Variants in DIP2C observed in about 807,000 individuals in gnomAD.
The protein encoded by DIP2C is DIP2 acetate--CoA ligase C (putative).
Under a neutral mutation model 192.4 loss-of-function variants are expected in DIP2C, and 33 were observed. The observed-to-expected ratio is 0.17, with a 90% CI of 0.13 to 0.23. DIP2C has a LOEUF of 0.23. Among genes scored for constraint, DIP2C ranks in the 10% least tolerant of loss-of-function variants. DIP2C has a pLI of 1.00. For missense variants in DIP2C, 1,537 were observed against 2,110.1 expected (o/e 0.73, Z 5.32); for synonymous variants, 979 against 864.1 (o/e 1.13, Z -2.33).
At chr10:619,688 G>C (rs896035985) in intron 1 of DIP2C, among the ~76,000 whole-genome samples, 1 of 152,158 alleles carries the variant, frequency 6.6e-6, no homozygotes, top group African/African-American at 2.4e-5. Context: ...CATGGGCCAT[G>C]GACCACTCCA....
At chr10:444,709 C>A (rs1244228122) in intron 3 of DIP2C, among the ~76,000 whole-genome samples, 3 of 152,236 alleles carry the variant, frequency 2.0e-5, no homozygotes, top group Non-Finnish European at 4.4e-5. Context: ...TCACTCTCTG[C>A]TCAATTCAAG....
chr10:312,772 C>CACAT (rs1338202739), intron 31 of DIP2C, among the ~76,000 whole-genome samples: 1 of 152,192 alleles, frequency 6.6e-6, no homozygotes, highest in African/African-American at 2.4e-5. Flanking sequence ...ATGCTCCAAA[C>CACAT]ACATAGTGGA....
intron 1 of DIP2C, among the ~76,000 whole-genome samples, chr10:678,084 G>A (rs1830934999): frequency 6.6e-6 from 1 of 152,228 alleles, no homozygotes; most frequent in South Asian, 2.1e-4. Flanking sequence ...GGACCTCAGA[G>A]GTCGTGGCAG....
intron 1 of DIP2C, among the ~76,000 whole-genome samples, chr10:658,054 T>A (rs1264822734): frequency 8.5e-6 from 1 of 117,426 alleles, no homozygotes; most frequent in African/African-American, 3.3e-5. Flanking sequence ...CCTGGACCTG[T>A]CCCTGGACCT....
chr10:682,262 T>G (rs928394077), intron 1 of DIP2C, among the ~76,000 whole-genome samples: 15 of 152,188 alleles, frequency 9.9e-5, no homozygotes, highest in Non-Finnish European at 2.9e-5. Flanking sequence ...AGCCCTGACC[T>G]TGCAACACCA....
chr10:424,490 C>T (rs1399671380), intron 4 of DIP2C, among the ~76,000 whole-genome samples: 1 of 151,392 alleles, frequency 6.6e-6, no homozygotes, highest in Non-Finnish European at 1.5e-5. Flanking sequence ...CTCAGCCTCC[C>T]AGGTAGCTGA....
At chr10:642,973 G>GCGGGCAGA (rs1855274740) in intron 1 of DIP2C, among the ~76,000 whole-genome samples, 1 of 152,066 alleles carries the variant, frequency 6.6e-6, no homozygotes, top group Non-Finnish European at 1.5e-5. Context: ...GGAGGCCAAG[G>GCGGGCAGA]TGGGCAGATC....
chr10:593,649 G>A (rs1340677147), intron 1 of DIP2C, among the ~76,000 whole-genome samples: 1 of 152,094 alleles, frequency 6.6e-6, no homozygotes, highest in Non-Finnish European at 1.5e-5. Context: ...AGCTGTGCCT[G>A]GGATGTCACG....
chr10:363,375 A>T lies in DIP2C; in HGVS notation c.2478-64T>A, dbSNP rs1013400094. ...ACGCTCATGCAGCCCTCCCTCCGCCATCAGGGGCTCCATAACCATCACTAG... is the reference window on the plus strand; with the variant it reads ...ACGCTCATGCAGCCCTCCCTCCGCCTTCAGGGGCTCCATAACCATCACTAG... On this transcript the variant is annotated intron_variant, in intron 20 of 36. Coordinates refer to ENST00000280886, the MANE Select transcript of DIP2C (RefSeq NM_014974.3). The surrounding 1 kb of genome is among the most constrained non-coding windows in gnomAD (Gnocchi z 5.4). The T allele has an allele frequency of 7.1e-7, 1 of 1,414,554 alleles. No individual in the cohort carries two copies. Among genetic ancestry groups the T allele is most frequent in the African/African-American group, 1.4e-5 (1 of 70,980 alleles). The allele number at this position is 1,414,554 out of a possible 1,614,324, so 87.6% of individuals were successfully genotyped here.
chr10:332,939 G>A (rs766788433), intron 29 of DIP2C, among the ~76,000 whole-genome samples: 9 of 152,232 alleles, frequency 5.9e-5, no homozygotes, highest in African/African-American at 9.6e-5. Flanking sequence ...GTCTCACTCC[G>A]TCGCCCAGGT....
intron 1 of DIP2C, among the ~76,000 whole-genome samples, chr10:592,061 C>A (rs978652515): frequency 6.6e-6 from 1 of 152,168 alleles, no homozygotes. Context: ...ACATTCATAG[C>A]CATGTGTTCT....
intron 4 of DIP2C, among the ~76,000 whole-genome samples, chr10:426,537 C>A (rs1421685116): frequency 6.6e-6 from 1 of 152,160 alleles, no homozygotes; most frequent in East Asian, 1.9e-4. Flanking sequence ...AAAGGACCTA[C>A]AATAGCCAAA....
Position 490,909 on chromosome 10 carries a change from C to T in DIP2C, c.86-4379G>A, listed in dbSNP as rs190243028. The stretch of plus-strand genomic sequence containing the variant: ...TGAGGCAAAGTCACCAGCAGAAGGT[C>T]GAATGAGACTGAGGGATGATGCTTC... On this transcript the variant is annotated intron_variant, in intron 1 of 36. Coordinates refer to ENST00000280886, the MANE Select transcript of DIP2C (RefSeq NM_014974.3). Among the ~76,000 whole-genome samples the T allele has an allele frequency of 2.6e-3, 389 of 152,292 alleles. 5 individuals are homozygous for T. The highest frequency in any genetic ancestry group is 0.022 in the South Asian group (107 of 4,824).
intron 1 of DIP2C, among the ~76,000 whole-genome samples, chr10:609,092 C>T (rs937624879): frequency 1.3e-5 from 2 of 151,830 alleles, no homozygotes; most frequent in Admixed American, 6.6e-5. Flanking sequence ...GGTAAGACCA[C>T]GTTTGGTTTT....
chr10:283,014 T>C (rs1459353279), intron 35 of DIP2C, among the ~76,000 whole-genome samples: 2 of 152,250 alleles, frequency 1.3e-5, no homozygotes, highest in Non-Finnish European at 1.5e-5. Flanking sequence ...TCAGCAGCCA[T>C]GCCCCTCTCC....
At chr10:572,484 T>C (rs1849884419) in intron 1 of DIP2C, among the ~76,000 whole-genome samples, 1 of 152,162 alleles carries the variant, frequency 6.6e-6, no homozygotes, top group Non-Finnish European at 1.5e-5. Flanking sequence ...AATATTCCCA[T>C]CACACCCCTC....
At chr10:563,920 T>TGA (rs1329637869) in intron 1 of DIP2C, among the ~76,000 whole-genome samples, 2 of 152,246 alleles carry the variant, frequency 1.3e-5, no homozygotes, top group Non-Finnish European at 2.9e-5. Context: ...CCAACACTGC[T>TGA]GAGGTCGCTC....
At chr10:560,747 C>T (rs535129658) in intron 1 of DIP2C, among the ~76,000 whole-genome samples, 18 of 152,204 alleles carry the variant, frequency 1.2e-4, no homozygotes, top group Non-Finnish European at 2.4e-4. Context: ...TCTCAACAGC[C>T]CCTACTCTTG....
chr10:579,049 CATA>C (rs1850382943), intron 1 of DIP2C, among the ~76,000 whole-genome samples: 1 of 151,976 alleles, frequency 6.6e-6, no homozygotes, highest in African/African-American at 2.4e-5. Flanking sequence ...AGTGTACAAA[CATA>C]AGTGCACAAC....
Sources: gnomAD v4.1 joint callset for allele counts (sites outside exome capture counted in the v4.1 genomes callset) on GRCh38, gnomAD v4.1.1 for gene constraint, Gnocchi (gnomAD v3.1) non-coding constraint, MANE v1.5 for transcripts, NCBI Gene and HGNC (gene_info 2026-07-23, HGNC 2026-07-21) for gene names.